The following PRDM1 variants were observed in gnomAD, a reference collection of about 807,000 sequenced individuals.
The protein encoded by PRDM1 is PR domain zinc finger protein 1.
Under a neutral mutation model 62.8 loss-of-function variants are expected in PRDM1, and 13 were observed. The observed-to-expected ratio is 0.21, with a 90% CI of 0.13 to 0.33. The LOEUF is 0.33. PRDM1 is among the 10% of genes least tolerant of loss of function. The pLI, the probability that PRDM1 is intolerant of heterozygous loss-of-function variation, is 1.00. For missense variants in PRDM1, 895 were observed against 1,058.8 expected (o/e 0.85, Z 2.15); for synonymous variants, 396 against 417.6 (o/e 0.95, Z 0.63).
intron 1 of PRDM1, among the ~76,000 whole-genome samples, chr6:106,038,014 C>CTTTTTTTTTTT (rs1227783243): frequency 0.31 from 14,497 of 47,446 alleles, 5,335 homozygotes; most frequent in Non-Finnish European, 0.39. Flanking sequence ...CTATTTTTGT[C>CTTTTTTTTTTT]TTTTTTTTTT....
intron 1 of PRDM1, among the ~76,000 whole-genome samples, chr6:106,026,653 A>C (rs980530588): frequency 5.9e-5 from 9 of 152,194 alleles, no homozygotes; most frequent in African/African-American, 2.2e-4. Flanking sequence ...GATGGATGAC[A>C]CCCAATAATT....
At chr6:106,100,485 T>TTAC (rs2114641151) in intron 4 of PRDM1, 1 of 152,356 alleles carries the variant, frequency 6.6e-6, no homozygotes, top group African/African-American at 2.4e-5. Flanking sequence ...TTACCCAGGT[T>TTAC]TACCAGTTAT....
rs200035233 is a variant in PRDM1, at chr6:106,105,410, C to T, written c.1250C>T (p.Pro417Leu). 6.2e-7 allele frequency: 1 copy of T among 1,614,228 alleles called. No homozygotes were observed. Among genetic ancestry groups the T allele is most frequent in the Non-Finnish European group, 8.5e-7 (1 of 1,180,048 alleles). ...NAHYPKFLLP[P>L]YGMNCNGLSA... ...CACTACCCCAAGTTCCTCTTGCCCC[C>T]CTACGGCATGAATTGTAATGGCCTG... is the stretch of plus-strand genomic sequence containing the variant. Residue 417 changes from proline to leucine, a missense_variant, in exon 5 of 7, where the codon CCC (proline) becomes CTC (leucine). This residue lies in a region of PRDM1 where 444 missense variants were observed against 422.7 expected (regional missense o/e 1.05). Coordinates refer to ENST00000369096, the MANE Select transcript of PRDM1 (RefSeq NM_001198.4).
rs1320627617 is a variant in PRDM1 at position 106,107,068 on chromosome 6, A to G, written c.2060A>G (p.His687Arg). 2 of 1,614,168 alleles carry G rather than the reference A, an allele frequency of 1.2e-6. No individual in the cohort carries two copies. The highest frequency in any genetic ancestry group is 1.7e-5 in the Admixed American group (1 of 60,022). The change falls in exon 7 of 7, where the codon CAC becomes CGC. Residue 687 changes from histidine (H) to arginine (R), a missense_variant. Around this residue, in one of 4 missense-constraint regions of PRDM1, gnomAD observed 164 missense variants for 179.9 expected, o/e 0.91. Transcript: ENST00000369096. ...CGTCTGCACACCCGGGAGCGGCCCC[A>G]CAAGTGCTCCCAGTGCCACAAGAAC... Reference protein sequence around the residue: ...HKRLHTRERPHKCSQCHKNYI... With the variant: ...HKRLHTRERPRKCSQCHKNYI...
intron 1 of PRDM1, among the ~76,000 whole-genome samples, chr6:106,003,231 A>T (rs1772447957): frequency 6.6e-6 from 1 of 152,232 alleles, no homozygotes; most frequent in Admixed American, 6.5e-5. Context: ...GAAAGGGGGC[A>T]TTAGGGACAA....
At chr6:106,041,716 C>G (rs4946718) in intron 1 of PRDM1, among the ~76,000 whole-genome samples, 135,897 of 152,154 alleles carry the variant, frequency 0.89, 60,753 homozygotes, top group South Asian at 0.94. Flanking sequence ...TTAAAAGTTA[C>G]GTAAAAAATA....
intron 4 of PRDM1, 104 bp from the exon 5 acceptor site, chr6:106,104,721 G>T: frequency 1.5e-6 from 2 of 1,378,880 alleles, no homozygotes; most frequent in East Asian, 2.3e-5. Flanking sequence ...CGATTGTGTC[G>T]CCAGCTGTTA....
At chr6:106,024,151 A>G (rs1004574706) in intron 1 of PRDM1, among the ~76,000 whole-genome samples, 1 of 151,848 alleles carries the variant, frequency 6.6e-6, no homozygotes, top group African/African-American at 2.4e-5. Context: ...CAAAAAAAAA[A>G]TTGAATCAGT....
intron 1 of PRDM1, among the ~76,000 whole-genome samples, chr6:106,028,177 T>C (rs994039152): frequency 2.0e-5 from 3 of 152,274 alleles, no homozygotes; most frequent in Non-Finnish European, 2.9e-5. Flanking sequence ...ATGTTTCTTT[T>C]TCCTCCAGCG....
intron 3 of PRDM1, chr6:106,096,128 G>T: frequency 6.1e-6 from 1 of 163,372 alleles, no homozygotes; most frequent in Non-Finnish European, 1.3e-5. Context: ...GAATGGAAGA[G>T]TTATCACAAA....
intron 1 of PRDM1, among the ~76,000 whole-genome samples, chr6:106,004,212 A>G (rs1317317386): frequency 1.3e-5 from 2 of 152,092 alleles, no homozygotes; most frequent in Non-Finnish European, 2.9e-5. Context: ...AGGCATCTAG[A>G]TAGAAAGCTG....
At position 106,107,205 on chromosome 6, in the gene PRDM1, T is replaced by G; in HGVS notation, c.2197T>G (p.Phe733Val). ...CCGAATCAATGAAGAAATCGAGAAG[T>G]TTGACATCAGTGACAATGCTGACCG... ...LTRINEEIEK[F>V]DISDNADRLE... The change falls in exon 7 of 7, where the codon TTT (phenylalanine) becomes GTT (valine). Residue 733 changes from phenylalanine to valine, a missense_variant. Around this residue, in one of 4 missense-constraint regions of PRDM1, gnomAD observed 164 missense variants for 179.9 expected, o/e 0.91. Transcript: ENST00000369096. 1 of 1,614,150 alleles carries G rather than the reference T, an allele frequency of 6.2e-7. No homozygotes were observed. Among genetic ancestry groups the G allele is most frequent in the Non-Finnish European group, 8.5e-7 (1 of 1,180,034 alleles).
At chr6:106,034,443 C>T (rs1010659944) in intron 1 of PRDM1, among the ~76,000 whole-genome samples, 1 of 151,864 alleles carries the variant, frequency 6.6e-6, no homozygotes, top group Non-Finnish European at 1.5e-5. Flanking sequence ...TTTTGCATGT[C>T]GTATTTTATT....
intron 3 of PRDM1, 135 bp from the exon 4 acceptor site, chr6:106,099,165 C>T: frequency 3.1e-6 from 5 of 1,604,132 alleles, no homozygotes; most frequent in Admixed American, 3.3e-5. Context: ...TCTGGCTAAA[C>T]TGATTGGATT....
rs545565366 is a variant in PRDM1 at position 106,080,453 on chromosome 6, A to G, written c.-66-7748A>G. ...TCCTTCCTTCTCCTCCCCTCAATCT[A>G]TGAGGAAGAAAGGAGAAGGAGAAGA... On this transcript the variant is annotated intron_variant, in intron 1 of 6. Coordinates refer to the PRDM1 transcript ENST00000651185. Among the ~76,000 whole-genome samples, 7 of 152,022 alleles carry G rather than the reference A, an allele frequency of 4.6e-5. No individual in the cohort carries two copies. The South Asian group carries it at 1.5e-3, about 32-fold the overall frequency.
chr6:106,024,610 G>A (rs1772741850), intron 1 of PRDM1, among the ~76,000 whole-genome samples: 1 of 152,118 alleles, frequency 6.6e-6, no homozygotes, highest in African/African-American at 2.4e-5. Context: ...TTAATCATCT[G>A]TACAGTGGAA....
intron 1 of PRDM1, among the ~76,000 whole-genome samples, chr6:106,016,955 C>A (rs903409877): frequency 1.3e-5 from 2 of 152,096 alleles, no homozygotes; most frequent in African/African-American, 2.4e-5. Context: ...CCTGGCCGCA[C>A]AGATGTTTTT....
At chr6:106,016,489 A>G (rs934321244) in intron 1 of PRDM1, among the ~76,000 whole-genome samples, 13 of 152,166 alleles carry the variant, frequency 8.5e-5, no homozygotes, top group African/African-American at 3.1e-4. Context: ...GCAGGTGTTC[A>G]GTTGGCATTT....
intron 1 of PRDM1, among the ~76,000 whole-genome samples, chr6:105,998,197 T>C (rs1037000977): frequency 6.6e-6 from 1 of 152,244 alleles, no homozygotes; most frequent in Non-Finnish European, 1.5e-5. Context: ...TATTGTGTTC[T>C]GGGTCCATCG....
Sources: allele counts gnomAD v4.1 joint callset (sites outside exome capture counted in the v4.1 genomes callset), GRCh38; gene constraint gnomAD v4.1.1; regional missense constraint gnomAD v4.1.1; transcripts MANE v1.5; gene names NCBI Gene and HGNC (gene_info 2026-07-23, HGNC 2026-07-21).